Variants in SEZ6L observed in about 807,000 individuals in gnomAD.
SEZ6L encodes seizure related 6 homolog like.
Under a neutral mutation model 106.2 loss-of-function variants are expected in SEZ6L, and 37 were observed. That is an observed-to-expected ratio of 0.35 (90% CI 0.27 to 0.46). The LOEUF is 0.46. Among genes scored for constraint, SEZ6L ranks in the 20% least tolerant of loss-of-function variants. The probability of loss-of-function intolerance (pLI) is 1.00; values close to 1 mark genes in which losing one functional copy is unlikely to be tolerated. For synonymous variants in SEZ6L, 541 were observed against 570.4 expected, an observed-to-expected ratio of 0.95 and a Z score of 0.73; for missense variants, 1,172 against 1,332.8, an observed-to-expected ratio of 0.88 and a Z score of 1.88.
intron 9 of SEZ6L, among the ~76,000 whole-genome samples, chr22:26,314,700 T>C (rs2081949643): frequency 6.6e-6 from 1 of 152,254 alleles, no homozygotes; most frequent in Non-Finnish European, 1.5e-5. Context: ...TGTTCCCCGC[T>C]AGCTCCCCAA....
chr22:26,283,444 A>C (rs1434214132), intron 1 of SEZ6L, among the ~76,000 whole-genome samples: 3 of 152,212 alleles, frequency 2.0e-5, no homozygotes, highest in Admixed American at 6.5e-5. Context: ...CACGGCTTCT[A>C]AGTACAAAGT....
At chr22:26,359,002 C>T (rs1166848818) in intron 12 of SEZ6L, among the ~76,000 whole-genome samples, 2 of 152,146 alleles carry the variant, frequency 1.3e-5, no homozygotes, top group South Asian at 4.1e-4. Context: ...ACTGCCTAGC[C>T]ATGTCTCGGC....
intron 1 of SEZ6L, among the ~76,000 whole-genome samples, chr22:26,207,685 T>C (rs1941343834): frequency 6.6e-6 from 1 of 152,176 alleles, no homozygotes; most frequent in Non-Finnish European, 1.5e-5. Flanking sequence ...TTGCTATACA[T>C]TTTTGCATTT....
In SEZ6L at chr22:26,280,020, T is replaced by C. The variant is rs529347505; in HGVS notation, c.95-12386T>C. Among the ~76,000 whole-genome samples, 7 of 151,994 alleles carry C rather than the reference T, an allele frequency of 4.6e-5. No individual in the cohort carries two copies. The South Asian group carries it at 1.5e-3, about 32-fold the overall frequency. Reference sequence around the variant, plus strand: ...CCCAACTGTATACAATGATATACAATAAAAAAAATAAAAAGTGATTCTCTC... The same window carrying C: ...CCCAACTGTATACAATGATATACAACAAAAAAAATAAAAAGTGATTCTCTC... On this transcript the variant is annotated intron_variant, in intron 1 of 16. Transcript: ENST00000248933.
chr22:26,322,440 A>G (rs1796309689), intron 9 of SEZ6L, among the ~76,000 whole-genome samples: 1 of 152,228 alleles, frequency 6.6e-6, no homozygotes. Context: ...ACACATAGCC[A>G]TAAACAGACA....
chr22:26,320,064 C>T (rs1325784570), intron 9 of SEZ6L, among the ~76,000 whole-genome samples: 10 of 152,198 alleles, frequency 6.6e-5, no homozygotes, highest in South Asian at 6.2e-4. Flanking sequence ...TAACATTTGG[C>T]TAAAAATTAT....
At chr22:26,197,196 C>T (rs900363862) in intron 1 of SEZ6L, among the ~76,000 whole-genome samples, 4 of 151,830 alleles carry the variant, frequency 2.6e-5, no homozygotes, top group Admixed American at 6.6e-5. Flanking sequence ...TTTATCTCTC[C>T]GACTAGAATG....
rs2081823334 is a variant in SEZ6L, at chr22:26,311,349, G to C, written c.1682-419G>C. Among the ~76,000 whole-genome samples, 2 of 152,148 alleles carry C rather than the reference G, an allele frequency of 1.3e-5. 1 individual carries two copies. The highest frequency in any genetic ancestry group is 4.1e-4 in the South Asian group (2 of 4,824). On this transcript the variant is annotated intron_variant, in intron 7 of 16. Transcript: ENST00000248933. ...GCTGAGACCCTGACTCTTGAAGAAG[G>C]GGTTCGCTGGGCATTTCATGTACGC...
chr22:26,351,143 C>A lies in SEZ6L; in HGVS notation c.2499C>A (p.Thr833=). 1 of 1,614,222 alleles carries A rather than the reference C, an allele frequency of 6.2e-7. No homozygotes were observed. The highest frequency in any genetic ancestry group is 8.5e-7 in the Non-Finnish European group (1 of 1,180,044). Residue 833 remains threonine, a synonymous_variant, in exon 12 of 17, where the codon ACC becomes ACA. Transcript: ENST00000248933. ...VLLVGTTIQY[T]CNPGFVLEGS... ...TGGTGGGGACCACCATCCAATACAC[C>A]TGCAACCCCGGTTTTGTGCTTGAAG...
intron 1 of SEZ6L, among the ~76,000 whole-genome samples, chr22:26,252,105 G>T (rs5752295): frequency 0.13 from 19,467 of 152,090 alleles, 1,674 homozygotes; most frequent in East Asian, 0.35. Context: ...AAATGCAGAC[G>T]CTTGGATCCC....
rs551708550 is a variant in SEZ6L at position 26,229,755 on chromosome 22, C to T, written c.94+59992C>T. Among the ~76,000 whole-genome samples, 15 of 152,278 alleles carry T rather than the reference C, an allele frequency of 9.9e-5. No homozygotes were observed. The South Asian group carries it at 3.1e-3, about 32-fold the overall frequency. Reference sequence around the variant, plus strand: ...GAAGCAGGTATTGTTTTGAAAGTTCCCCAGATGATTCAAATGTGCAGCCAG... The same window carrying T: ...GAAGCAGGTATTGTTTTGAAAGTTCTCCAGATGATTCAAATGTGCAGCCAG... On this transcript the variant is annotated intron_variant, in intron 1 of 16. Transcript: ENST00000248933.
At position 26,306,049 on chromosome 22, in the gene SEZ6L, A is replaced by C. The variant is rs1210894; in HGVS notation, c.1419A>C (p.Thr473=). The C allele has an allele frequency of 0.42, 679,259 of 1,613,574 alleles. 150,329 individuals carry two copies. The highest frequency in any genetic ancestry group is 0.63 in the African/African-American group (47,162 of 74,854). ...TCTCCCCAAGTTACCCTGAAAACAC[A>C]AATGGGAGCCAATTCTGCATCTGGA... The part of the protein sequence containing the change: ...RVLSPSYPEN[T]NGSQFCIWTI... Residue 473 remains threonine (T), a synonymous_variant, in exon 6 of 17, where the codon ACA becomes ACC. Coordinates refer to ENST00000248933, the MANE Select transcript of SEZ6L (RefSeq NM_021115.5).
At chr22:26,284,153 A>G (rs1241158403) in intron 1 of SEZ6L, among the ~76,000 whole-genome samples, 1 of 152,238 alleles carries the variant, frequency 6.6e-6, no homozygotes, top group Non-Finnish European at 1.5e-5. Flanking sequence ...TGAGCCCCAG[A>G]GGAGGGGAAT....
At chr22:26,364,464 A>C (rs1014939642) in intron 12 of SEZ6L, among the ~76,000 whole-genome samples, 3 of 149,208 alleles carry the variant, frequency 2.0e-5, no homozygotes, top group African/African-American at 7.4e-5. Flanking sequence ...GTGGCGGGAC[A>C]CGCCTATAGT....
Position 26,169,531 on chromosome 22 carries a change from G to A in SEZ6L, c.-139G>A, listed in dbSNP as rs866463614. On this transcript the variant is annotated 5_prime_UTR_variant, in exon 1 of 17. Coordinates refer to ENST00000248933, the MANE Select transcript of SEZ6L (RefSeq NM_021115.5). The stretch of plus-strand genomic sequence containing the variant: ...GGGCTGAGCGCGCGTCCGCCCAGGG[G>A]GCTCCGGAAGCTGCCCCGGCCCGCG... The A allele has an allele frequency of 7.6e-4, 293 of 385,992 alleles. 4 individuals carry two copies. In the Middle Eastern group the frequency reaches 0.021, roughly 28 times the overall value. The allele number at this position is 385,992 out of a possible 1,614,324, so 23.9% of individuals were successfully genotyped here.
intron 9 of SEZ6L, among the ~76,000 whole-genome samples, chr22:26,327,293 T>TACCACAC (rs1185979652): frequency 9.2e-6 from 1 of 108,576 alleles, no homozygotes; most frequent in African/African-American, 3.6e-5. Flanking sequence ...ACCCCACACA[T>TACCACAC]ACCACACACA....
rs967248214 is a variant in SEZ6L at position 26,226,276 on chromosome 22, C to G, written c.94+56513C>G. Among the ~76,000 whole-genome samples the G allele has an allele frequency of 2.6e-5, 4 of 152,174 alleles. No individual in the cohort carries two copies. The East Asian group carries it at 7.7e-4, about 29-fold the overall frequency. On this transcript the variant is annotated intron_variant, in intron 1 of 16. Coordinates refer to ENST00000248933, the MANE Select transcript of SEZ6L (RefSeq NM_021115.5). ...TCCCCATTGCTTTCAGAATAAAGAC[C>G]AAAATGATGAATGTGATCCACTGTT...
At chr22:26,285,271 G>T (rs1346992205) in intron 1 of SEZ6L, among the ~76,000 whole-genome samples, 8 of 152,304 alleles carry the variant, frequency 5.3e-5, no homozygotes, top group Middle Eastern at 3.4e-3. Flanking sequence ...AACGATAAAT[G>T]GATAAATGAA....
chr22:26,380,010 T>C (rs556624328), intron 16 of SEZ6L, among the ~76,000 whole-genome samples: 1 of 152,346 alleles, frequency 6.6e-6, no homozygotes, highest in African/African-American at 2.4e-5. Context: ...GACTAAAGCC[T>C]ACCAGGGCAT....
Sources: gnomAD v4.1 joint callset for allele counts (sites outside exome capture counted in the v4.1 genomes callset) on GRCh38, gnomAD v4.1.1 for gene constraint, MANE v1.5 for transcripts, NCBI Gene and HGNC (gene_info 2026-07-23, HGNC 2026-07-21) for gene names.